The following KIAA0586 variants were observed in gnomAD, a reference collection of about 807,000 sequenced individuals.
The protein encoded by KIAA0586 is KIAA0586, also known as protein TALPID3.
KIAA0586 carries 144 observed loss-of-function variants against 169.8 expected under a neutral mutation model. That is an observed-to-expected ratio of 0.85 (90% CI 0.74 to 0.97). KIAA0586 has a LOEUF of 0.97. KIAA0586 is among the 50% of genes least tolerant of loss of function. The pLI is 0.00. For missense variants in KIAA0586, 1,854 were observed against 1,823.0 expected, an observed-to-expected ratio of 1.02 and a Z score of -0.31; for synonymous variants, 625 against 612.4, an observed-to-expected ratio of 1.02 and a Z score of -0.30.
In KIAA0586 at chr14:58,459,065, G is replaced by GA. The variant is rs575171555; in HGVS notation, c.1656+523dup. Among the ~76,000 whole-genome samples the GA allele has an allele frequency of 4.5e-4, 69 of 152,182 alleles. No individual in the cohort carries two copies. In the East Asian group the frequency reaches 0.01, roughly 23 times the overall value. On this transcript the variant is annotated intron_variant, in intron 12 of 30. Transcript: ENST00000652326. ...TTCTTAGAGGGTCCATAATTTAAAG[G>GA]AAATTTAAAAATTTTATATATTTGA...
At chr14:58,427,588 G>T, upstream of KIAA0586, 3 of 1,535,628 alleles carry the variant, frequency 2.0e-6, no homozygotes, top group Non-Finnish European at 2.6e-6. Context: ...CACCCGGAGA[G>T]GAATGGAAGA....
chr14:58,456,068 C>A (rs1473874112), intron 9 of KIAA0586, among the ~76,000 whole-genome samples: 5 of 152,066 alleles, frequency 3.3e-5, no homozygotes, highest in African/African-American at 1.2e-4. Flanking sequence ...TACTTTCTCG[C>A]TGAGCTAGCA....
chr14:58,504,229 A>T (rs914811041), intron 27 of KIAA0586, among the ~76,000 whole-genome samples: 1 of 152,214 alleles, frequency 6.6e-6, no homozygotes, highest in Non-Finnish European at 1.5e-5. Context: ...CTGATGAGAC[A>T]TTATTCAGTA....
At chr14:58,435,734 T>G (rs2037770850) in intron 4 of KIAA0586, among the ~76,000 whole-genome samples, 1 of 151,836 alleles carries the variant, frequency 6.6e-6, no homozygotes, top group African/African-American at 2.4e-5. Flanking sequence ...TAAGATGGAG[T>G]TTCACTCTTG....
chr14:58,453,732 G>C (rs61974535), intron 9 of KIAA0586, among the ~76,000 whole-genome samples: 4,491 of 152,110 alleles, frequency 0.03, 80 homozygotes, highest in Middle Eastern at 0.062. Flanking sequence ...TCTAGGATTT[G>C]TTTCAAAAAT....
At chr14:58,507,270 T>C (rs918648898) in intron 27 of KIAA0586, among the ~76,000 whole-genome samples, 2 of 146,702 alleles carry the variant, frequency 1.4e-5, no homozygotes, top group Non-Finnish European at 1.5e-5. Context: ...GATTTATATA[T>C]ATGTATGATT....
In KIAA0586 at chr14:58,489,502, G is replaced by A. The variant is rs372641297; in HGVS notation, c.3781+628G>A. Reference sequence around the variant, plus strand: ...CCCAAAGGGCTGGGATTATAGGCCTGAACCACCTCACCCAGCCTGAAACCT... The same window carrying A: ...CCCAAAGGGCTGGGATTATAGGCCTAAACCACCTCACCCAGCCTGAAACCT... On this transcript the variant is annotated intron_variant, in intron 24 of 30. Coordinates refer to ENST00000652326, the MANE Select transcript of KIAA0586 (RefSeq NM_001329943.3). 8.6e-5 allele frequency among the ~76,000 whole-genome samples: 13 copies of A among 151,978 alleles called. No homozygotes were observed. In the East Asian group the frequency reaches 9.7e-4, roughly 11 times the overall value.
chr14:58,507,438 A>G (rs949835984), intron 27 of KIAA0586, among the ~76,000 whole-genome samples: 5 of 149,350 alleles, frequency 3.3e-5, no homozygotes, highest in Admixed American at 2.7e-4. Context: ...TTTGCATATA[A>G]CTCTTCAGGT....
At chr14:58,496,354 TA>T in intron 26 of KIAA0586, among the ~76,000 whole-genome samples, 1 of 152,338 alleles carries the variant, frequency 6.6e-6, no homozygotes, top group East Asian at 1.9e-4. Flanking sequence ...CTTAAGGTGT[TA>T]AATAGTTCAG....
At position 58,512,524 on chromosome 14, in the gene KIAA0586, C is replaced by T. The variant is rs139175231; in HGVS notation, c.4326C>T (p.Tyr1442=). The part of the protein sequence containing the change: ...LPVAAEDFSQ[Y]QLKQNQDVKQ... ...ACTTCATATCTTAAATTATTTAGTA[C>T]CAACTAAAGCAAAATCAGGATGTTA... The change falls in exon 29 of 31, where the codon TAC becomes TAT. Residue 1442 remains tyrosine (Y), a splice_region_variant and synonymous_variant. Transcript: ENST00000652326. 4.4e-5 allele frequency: 66 copies of T among 1,485,160 alleles called. No individual in the cohort carries two copies. In the African/African-American group the frequency reaches 8.8e-4, roughly 20 times the overall value. The allele number at this position is 1,485,160 out of a possible 1,614,324, so 92.0% of individuals were successfully genotyped here. A position where few individuals can be genotyped will look rare whatever the true frequency, so the allele number is the denominator to read the frequency against.
intron 21 of KIAA0586, among the ~76,000 whole-genome samples, 169 bp downstream of exon 21, chr14:58,482,881 C>G (rs2042133460): frequency 6.6e-6 from 1 of 152,154 alleles, no homozygotes; most frequent in South Asian, 2.1e-4. Flanking sequence ...AGTGATCCTC[C>G]TGCCTCAGCC....
downstream of KIAA0586, among the ~76,000 whole-genome samples, chr14:58,553,536 G>GT (rs111508643): frequency 0.26 from 38,039 of 144,216 alleles, 5,035 homozygotes; most frequent in East Asian, 0.37. Flanking sequence ...AAATATCTGG[G>GT]TTTTTTTTTT....
chr14:58,488,783 G>A lies in KIAA0586; in HGVS notation c.3690G>A (p.Leu1230=). 17 of 1,613,798 alleles carry A rather than the reference G, an allele frequency of 1.1e-5. No homozygotes were observed. Among genetic ancestry groups the A allele is most frequent in the Non-Finnish European group, 1.4e-5 (17 of 1,179,814 alleles). Residue 1230 remains leucine, a synonymous_variant, in exon 24 of 31, where the codon TTG becomes TTA. Transcript: ENST00000652326. The part of the protein sequence containing the change: ...GSDSSTLEST[L]SVTVTETETL... ...ATTCATCAACACTGGAGAGCACATT[G>A]AGTGTTACTGTCACTGAAACTGAAA...
In KIAA0586 at chr14:58,548,728, ATATAAACCTT is replaced by A. The variant is rs1232812287; in HGVS notation, c.*806_*815del. On this transcript the variant is annotated 3_prime_UTR_variant, in exon 31 of 31. Coordinates refer to ENST00000652326, the MANE Select transcript of KIAA0586 (RefSeq NM_001329943.3). The stretch of plus-strand genomic sequence containing the variant: ...AATTTTTATATGCCTTATGTATACC[ATATAAACCTT>A]TATAAACCTGTGAAACATGTAACTC... 3.9e-5 allele frequency: 6 copies of A among 152,330 alleles called. No homozygotes were observed. Among genetic ancestry groups the A allele is most frequent in the African/African-American group, 1.4e-4 (6 of 41,572 alleles). 9.4% of individuals were successfully genotyped at this position (152,330 alleles called of 1,614,324 possible).
chr14:58,533,948 C>G (rs2046135689), intron 29 of KIAA0586, among the ~76,000 whole-genome samples: 1 of 152,118 alleles, frequency 6.6e-6, no homozygotes. Flanking sequence ...TTCATTCTTT[C>G]ACTCTTTCAA....
chr14:58,460,194 G>T, intron 13 of KIAA0586, 124 bp downstream of exon 13: 1 of 619,328 alleles, frequency 1.6e-6, no homozygotes, highest in Non-Finnish European at 2.7e-6. Context: ...ACAAATGTAA[G>T]CTATCTTTAC....
chr14:58,498,335 C>T (rs887518674), intron 26 of KIAA0586, among the ~76,000 whole-genome samples: 1 of 151,834 alleles, frequency 6.6e-6, no homozygotes, highest in East Asian at 1.9e-4. Context: ...GCTGTGATGC[C>T]CAGCTAATTT....
chr14:58,440,272 T>C, intron 4 of KIAA0586: 1 of 412,190 alleles, frequency 2.4e-6, no homozygotes, highest in East Asian at 8.2e-5. Context: ...TCTGCTCTGC[T>C]TTTCTCTTTT....
rs530605096 is a variant in KIAA0586, at chr14:58,530,721, C to T, written c.4430-9350C>T. 1.6e-4 allele frequency among the ~76,000 whole-genome samples: 25 copies of T among 152,240 alleles called. No individual in the cohort carries two copies. The South Asian group carries it at 5.2e-3, about 32-fold the overall frequency. The stretch of plus-strand genomic sequence containing the variant: ...ATGGATTAAAGACTTAAACATAAGA[C>T]CTAAAACCATAAAAACCCTAGAAGA... On this transcript the variant is annotated intron_variant, in intron 29 of 30. Coordinates refer to ENST00000652326, the MANE Select transcript of KIAA0586 (RefSeq NM_001329943.3).
Sources: allele counts gnomAD v4.1 joint callset (sites outside exome capture counted in the v4.1 genomes callset), GRCh38; gene constraint gnomAD v4.1.1; transcripts MANE v1.5; gene names NCBI Gene and HGNC (gene_info 2026-07-23, HGNC 2026-07-21).